MPZL2: variants seen among roughly 807,000 people sequenced by gnomAD.
MPZL2 encodes myelin protein zero-like protein 2.
MPZL2 carries 32 observed loss-of-function variants against 24.5 expected under a neutral mutation model. The observed-to-expected ratio is 1.31, with a 90% CI of 0.99 to 1.76. The LOEUF is 1.76. Ranked by LOEUF, MPZL2 falls within the 40% of genes most tolerant of loss-of-function variation. The pLI is 0.00. For synonymous variants in MPZL2, 92 were observed against 97.9 expected (o/e 0.94, Z 0.36); for missense variants, 304 against 274.9 (o/e 1.11, Z -0.75).
Position 118,254,342 on chromosome 11 carries a change from G to A in MPZL2, c.*904C>T, listed in dbSNP as rs1949649347. 1 of 152,086 alleles carries A rather than the reference G, an allele frequency of 6.6e-6. No individual in the cohort carries two copies. Among genetic ancestry groups the A allele is most frequent in the African/African-American group, 2.4e-5 (1 of 41,396 alleles). The allele number at this position is 152,086 out of a possible 1,614,324, so 9.4% of individuals were successfully genotyped here. On this transcript the variant is annotated 3_prime_UTR_variant, in exon 6 of 6. Transcript: ENST00000278937. ...TCACCAGCCCTGAATTTTCAAACTT[G>A]TAATATGCTGTTTCACAATTTTTTT...
rs1949723774 is a variant in MPZL2 at position 118,264,241 on chromosome 11, C to T, written c.-88G>A. The T allele has an allele frequency of 7.7e-7, 1 of 1,301,940 alleles. No individual in the cohort carries two copies. Among genetic ancestry groups the T allele is most frequent in the South Asian group, 1.2e-5 (1 of 84,238 alleles). The allele number at this position is 1,301,940 out of a possible 1,614,324, so 80.6% of individuals were successfully genotyped here. On this transcript the variant is annotated 5_prime_UTR_variant, in exon 1 of 6. Coordinates refer to ENST00000278937, the MANE Select transcript of MPZL2 (RefSeq NM_005797.4). ...CCAAGGCCACTCCGGGAGGAGCAAG[C>T]ACCGCGTTTTCCCAGAGAGAGGAGT...
In MPZL2 at chr11:118,264,099, T is replaced by C; in HGVS notation, c.55A>G (p.Thr19Ala). ...AVLLLLGIQLTALWPIAAVEI... is the reference protein window; with the variant it reads ...AVLLLLGIQLAALWPIAAVEI... ...AGAGAAGCCCGCCGGCTCTTACCTG[T>C]GAGCTGTATGCCAAGGAGAAGAAGC... Residue 19 changes from threonine to alanine, a missense_variant, in exon 1 of 6, where the codon ACA becomes GCA. By Grantham distance (58) the Thr-to-Ala change is moderately conservative. Transcript: ENST00000278937. The C allele has an allele frequency of 6.2e-7, 1 of 1,613,522 alleles. No homozygotes were observed. Among genetic ancestry groups the C allele is most frequent in the Non-Finnish European group, 8.5e-7 (1 of 1,179,476 alleles).
Position 118,262,976 on chromosome 11 carries a change from TG to T in MPZL2, c.179del (p.Thr60LysfsTer2). On this transcript the variant is annotated frameshift_variant, in exon 2 of 6. Transcript: ENST00000278937. LOFTEE classifies it high-confidence loss of function. ...CTAGAGGACGAAAATTCCAGGTCAC[TG>T]TTAGAGCATCACCCACAGGGGCAAA... ...SSFAPVGDAL[T>X]VTWNFRPLDG... 6.2e-7 allele frequency: 1 copy of T among 1,614,198 alleles called. No individual in the cohort carries two copies. The highest frequency in any genetic ancestry group is 8.5e-7 in the Non-Finnish European group (1 of 1,180,020).
Position 118,264,006 on chromosome 11 carries a change from CAA to C in MPZL2, c.58+88_58+89del, listed in dbSNP as rs1175649894. The C allele has an allele frequency of 3.6e-6, 5 of 1,386,356 alleles. No individual in the cohort carries two copies. The Admixed American group carries it at 5.4e-5, about 15-fold the overall frequency. The allele number at this position is 1,386,356 out of a possible 1,614,324, so 85.9% of individuals were successfully genotyped here. ...TGTATCTGTGGCTCAGGCTCCCAAA[CAA>C]AAGTCTTGCAACTTCTAAGACAATT... On this transcript the variant is annotated intron_variant, in intron 1 of 5. Coordinates refer to ENST00000278937, the MANE Select transcript of MPZL2 (RefSeq NM_005797.4).
At chr11:118,256,741 G>C (rs1019263114) in intron 5 of MPZL2, among the ~76,000 whole-genome samples, 1 of 152,020 alleles carries the variant, frequency 6.6e-6, no homozygotes, top group Non-Finnish European at 1.5e-5. Flanking sequence ...ACTAAAACTG[G>C]ATTCATTTCA....
Position 118,264,102 on chromosome 11 carries a change from G to A in MPZL2, c.52C>T (p.Leu18Phe). 6.2e-7 allele frequency: 1 copy of A among 1,614,098 alleles called. No homozygotes were observed. The highest frequency in any genetic ancestry group is 1.1e-5 in the South Asian group (1 of 91,076). Residue 18 changes from leucine (L) to phenylalanine (F), a missense_variant, in exon 1 of 6, where the codon CTC (leucine) becomes TTC (phenylalanine). Coordinates refer to ENST00000278937, the MANE Select transcript of MPZL2 (RefSeq NM_005797.4). ...RAVLLLLGIQ[L>F]TALWPIAAVE... Reference sequence around the variant, plus strand: ...GAAGCCCGCCGGCTCTTACCTGTGAGCTGTATGCCAAGGAGAAGAAGCACC... The same window carrying A: ...GAAGCCCGCCGGCTCTTACCTGTGAACTGTATGCCAAGGAGAAGAAGCACC...
At chr11:118,262,806 G>T (rs1949710380) in intron 2 of MPZL2, 125 bp downstream of exon 2, 3 of 1,396,520 alleles carry the variant, frequency 2.1e-6, no homozygotes, top group African/African-American at 2.9e-5. Context: ...TCTGTCCCAA[G>T]AATTGTTTCC....
Position 118,261,587 on chromosome 11 carries a change from G to C in MPZL2, c.436+851C>G, listed in dbSNP as rs183521534. ...TATTATCTCATTTTATCCTCACTGTGATCCTTACTGTGTTATTCTCACTTT... is the reference window on the plus strand; with the variant it reads ...TATTATCTCATTTTATCCTCACTGTCATCCTTACTGTGTTATTCTCACTTT... On this transcript the variant is annotated intron_variant, in intron 3 of 5. Transcript: ENST00000278937. Among the ~76,000 whole-genome samples the C allele has an allele frequency of 9.8e-4, 149 of 152,284 alleles. 1 individual carries two copies. Among genetic ancestry groups the C allele is most frequent in the African/African-American group, 3.4e-3 (142 of 41,556 alleles).
At chr11:118,260,032 T>A in intron 4 of MPZL2, 22 bp downstream of exon 4, 1 of 1,613,538 alleles carries the variant, frequency 6.2e-7, no homozygotes. Flanking sequence ...GTTAGAACTT[T>A]CCCAGAACTG....
Position 118,264,187 on chromosome 11 carries a change from CG to C in MPZL2, c.-35del. 6.2e-7 allele frequency: 1 copy of C among 1,608,412 alleles called. No individual in the cohort carries two copies. Among genetic ancestry groups the C allele is most frequent in the South Asian group, 1.1e-5 (1 of 90,966 alleles). ...CCCAGCCTTGGCCCCAGAGACCGGACGGGGCAGACCGAGGGCTCCAACACCC... is the reference window on the plus strand; with the variant it reads ...CCCAGCCTTGGCCCCAGAGACCGGACGGGCAGACCGAGGGCTCCAACACCC... On this transcript the variant is annotated 5_prime_UTR_variant, in exon 1 of 6. Transcript: ENST00000278937.
At position 118,256,956 on chromosome 11, in the gene MPZL2, A is replaced by G. The variant is rs1159914453; in HGVS notation, c.*12+282T>C. On this transcript the variant is annotated intron_variant, in intron 5 of 5. Coordinates refer to ENST00000278937, the MANE Select transcript of MPZL2 (RefSeq NM_005797.4). ...ATTTACTTGTTGAATATTTATTAGT[A>G]GTAGTAGTAATAAATATAACCCCGA... The G allele has an allele frequency of 3.6e-5, 8 of 221,626 alleles. No individual in the cohort carries two copies. The East Asian group carries it at 7.5e-4, about 21-fold the overall frequency. The allele number at this position is 221,626 out of a possible 1,614,324, so 13.7% of individuals were successfully genotyped here.
At chr11:118,260,826 T>C (rs1949695603) in intron 3 of MPZL2, among the ~76,000 whole-genome samples, 1 of 152,030 alleles carries the variant, frequency 6.6e-6, no homozygotes, top group Non-Finnish European at 1.5e-5. Context: ...AGAGGGAAGG[T>C]CCCCTAAGCC....
rs1444688517 is a variant in MPZL2 at position 118,260,122 on chromosome 11, C to T, written c.516G>A (p.Val172=). ...TTTTCCGGTAATGCTGGAAGAGGAC[C>T]ACTACAATTACTATTATGATCATCA... The part of the protein sequence containing the change: ...CALMIIIVIV[V]VLFQHYRKKR... Residue 172 remains valine (V), a synonymous_variant, in exon 4 of 6, where the codon GTG becomes GTA. Coordinates refer to ENST00000278937, the MANE Select transcript of MPZL2 (RefSeq NM_005797.4). The T allele has an allele frequency of 6.2e-7, 1 of 1,614,048 alleles. No individual in the cohort carries two copies. Among genetic ancestry groups the T allele is most frequent in the Non-Finnish European group, 8.5e-7 (1 of 1,179,974 alleles).
chr11:118,262,608 C>G lies in MPZL2; in HGVS notation c.266G>C (p.Gly89Ala), dbSNP rs1468937996. Residue 89 changes from glycine to alanine, a missense_variant, in exon 3 of 6, where the codon GGG becomes GCG. Gly to Ala is a moderately conservative substitution (Grantham distance 60). Coordinates refer to ENST00000278937, the MANE Select transcript of MPZL2 (RefSeq NM_005797.4). Reference protein sequence around the residue: ...YHIDPFQPMSGRFKDRVSWDG... With the variant: ...YHIDPFQPMSARFKDRVSWDG... ...CCAAGACACCCGGTCCTTAAACCGC[C>G]CACTCATGGGTTGGAAGGGATCTAT... 7.4e-6 allele frequency: 12 copies of G among 1,613,940 alleles called. No homozygotes were observed. Among genetic ancestry groups the G allele is most frequent in the Non-Finnish European group, 1.0e-5 (12 of 1,180,030 alleles).
chr11:118,260,859 G>A (rs1193072244), intron 3 of MPZL2, among the ~76,000 whole-genome samples: 2 of 152,252 alleles, frequency 1.3e-5, no homozygotes, highest in East Asian at 3.9e-4. Flanking sequence ...GTGAACCCTG[G>A]TTTTCTTGTC....
At chr11:118,258,841 C>G (rs1949679344) in intron 4 of MPZL2, among the ~76,000 whole-genome samples, 1 of 152,094 alleles carries the variant, frequency 6.6e-6, no homozygotes, top group Non-Finnish European at 1.5e-5. Context: ...TCCCATTGTG[C>G]CTTCTGCCAT....
intron 4 of MPZL2, 53 bp from the exon 5 acceptor site, chr11:118,257,366 T>C (rs1949668353): frequency 3.5e-6 from 5 of 1,424,048 alleles, no homozygotes; most frequent in Non-Finnish European, 4.9e-6. Context: ...AGCAAGTGGG[T>C]AAATCCCACA....
At position 118,262,948 on chromosome 11, in the gene MPZL2, C is replaced by T. The variant is rs199560156; in HGVS notation, c.208G>A (p.Gly70Arg). Residue 70 changes from glycine (G) to arginine (R), a missense_variant, in exon 2 of 6, where the codon GGG (glycine) becomes AGG (arginine). By Grantham distance (125) the Gly-to-Arg change is moderately radical. Transcript: ENST00000278937. ...TVTWNFRPLD[G>R]GPEQFVFYYH... ...CTACTTACAAACTGCTCAGGTCCCC[C>T]GTCTAGAGGACGAAAATTCCAGGTC... The T allele has an allele frequency of 7.4e-6, 12 of 1,614,026 alleles. No homozygotes were observed. In the Admixed American group the frequency reaches 1.5e-4, roughly 20 times the overall value.
intron 1 of MPZL2, 21 bp downstream of exon 1, chr11:118,264,075 G>A (rs1236704934): frequency 6.2e-7 from 1 of 1,612,898 alleles, no homozygotes; most frequent in Non-Finnish European, 8.5e-7. Context: ...GAAACTCTGA[G>A]AGAAGCCCGC....
Sources: gnomAD v4.1 joint callset for allele counts (sites outside exome capture counted in the v4.1 genomes callset) on GRCh38, gnomAD v4.1.1 for gene constraint, MANE v1.5 for transcripts, NCBI Gene and HGNC (gene_info 2026-07-23, HGNC 2026-07-21) for gene names.